NXPH1: variants seen among roughly 807,000 people sequenced by gnomAD.
The protein encoded by NXPH1 is neurexophilin-1.
In NXPH1, 5 loss-of-function variants were observed where a neutral mutation model predicts 23.7. The observed-to-expected ratio is 0.21, with a 90% CI of 0.11 to 0.44. The LOEUF is 0.44. Ranked by LOEUF, NXPH1 falls within the 20% of genes least tolerant of loss-of-function variation. NXPH1 has a pLI of 0.99. For synonymous variants in NXPH1, 144 were observed against 122.2 expected (o/e 1.18, Z -1.18); for missense variants, 324 against 321.6 (o/e 1.01, Z -0.06).
chr7:8,671,341 G>C (rs536863494), intron 2 of NXPH1, among the ~76,000 whole-genome samples: 7 of 152,120 alleles, frequency 4.6e-5, no homozygotes, highest in Non-Finnish European at 7.4e-5. Flanking sequence ...GGACAGATAG[G>C]TTCCTGAGCA....
At chr7:8,682,927 GA>G (rs1453398194) in intron 2 of NXPH1, among the ~76,000 whole-genome samples, 1 of 152,222 alleles carries the variant, frequency 6.6e-6, no homozygotes, top group Non-Finnish European at 1.5e-5. Flanking sequence ...AAGAGCCCTT[GA>G]TTTCAATTCA....
In NXPH1 at chr7:8,457,579, A is replaced by C. The variant is rs892235951; in HGVS notation, c.54+21812A>C. Among the ~76,000 whole-genome samples, 43 of 151,040 alleles carry C rather than the reference A, an allele frequency of 2.8e-4. 1 individual carries two copies. Among genetic ancestry groups the C allele is most frequent in the African/African-American group, 8.8e-4 (36 of 40,704 alleles). On this transcript the variant is annotated intron_variant, in intron 2 of 2. Coordinates refer to ENST00000405863, the MANE Select transcript of NXPH1 (RefSeq NM_152745.3). ...TTAATTTTATTAAAAAAAAACTTGA[A>C]AGGAGCCTCAGAAGGCAGGTAAGAC... is the stretch of plus-strand genomic sequence containing the variant.
intron 2 of NXPH1, among the ~76,000 whole-genome samples, chr7:8,563,461 T>C (rs186793849): frequency 6.6e-5 from 10 of 151,834 alleles, no homozygotes; most frequent in African/African-American, 2.4e-4. Context: ...ATTACAGAAA[T>C]ATAAACTTAT....
chr7:8,523,548 G>C (rs1039482276), intron 2 of NXPH1, among the ~76,000 whole-genome samples: 10 of 152,214 alleles, frequency 6.6e-5, no homozygotes, highest in Non-Finnish European at 1.5e-4. Context: ...TGTTCTTAGA[G>C]GGAAAAGAAT....
intron 2 of NXPH1, among the ~76,000 whole-genome samples, chr7:8,721,511 C>T (rs527476914): frequency 2.6e-5 from 4 of 152,326 alleles, no homozygotes; most frequent in African/African-American, 9.6e-5. Flanking sequence ...TCTTGTGGCT[C>T]ACGCCTGTAA....
intron 2 of NXPH1, among the ~76,000 whole-genome samples, chr7:8,668,260 T>G (rs1431464850): frequency 1.2e-5 from 1 of 82,934 alleles, no homozygotes; most frequent in African/African-American, 3.4e-5. Flanking sequence ...CTCTTTGTTT[T>G]TTTTTTTTTA....
intron 2 of NXPH1, among the ~76,000 whole-genome samples, chr7:8,579,363 G>GTT (rs752413628): frequency 3.5e-5 from 4 of 113,848 alleles, no homozygotes; most frequent in Admixed American, 8.2e-5. Context: ...AGTTTTTTTT[G>GTT]TTTTTTTTTT....
intron 2 of NXPH1, among the ~76,000 whole-genome samples, chr7:8,579,809 T>C (rs764810216): frequency 1.1e-4 from 17 of 152,208 alleles, no homozygotes; most frequent in Non-Finnish European, 7.3e-5. Context: ...ACAGGGGCTA[T>C]CAGAGACCTT....
At chr7:8,737,857 G>C (rs892760110) in intron 2 of NXPH1, among the ~76,000 whole-genome samples, 2 of 151,812 alleles carry the variant, frequency 1.3e-5, no homozygotes, top group African/African-American at 2.4e-5. Flanking sequence ...CTCTAATCTT[G>C]TCTTCACACT....
chr7:8,516,822 T>A (rs1408728109), intron 2 of NXPH1, among the ~76,000 whole-genome samples: 1 of 152,098 alleles, frequency 6.6e-6, no homozygotes, highest in Non-Finnish European at 1.5e-5. Flanking sequence ...AACAACAAAA[T>A]CATGAACGAC....
chr7:8,746,442 G>T (rs1780471608), intron 2 of NXPH1, among the ~76,000 whole-genome samples: 1 of 152,126 alleles, frequency 6.6e-6, no homozygotes, highest in Non-Finnish European at 1.5e-5. Flanking sequence ...ATCACTGAAG[G>T]CAAATAATTC....
chr7:8,643,742 A>G (rs1315328480), intron 2 of NXPH1, among the ~76,000 whole-genome samples: 4 of 152,130 alleles, frequency 2.6e-5, no homozygotes, highest in Non-Finnish European at 4.4e-5. Context: ...TTACTTTATT[A>G]CTTTTGCATA....
chr7:8,588,556 G>A (rs1819025970), intron 2 of NXPH1, among the ~76,000 whole-genome samples: 1 of 152,124 alleles, frequency 6.6e-6, no homozygotes, highest in African/African-American at 2.4e-5. Context: ...GGTTGTTCAA[G>A]GCTCCCAGGC....
At chr7:8,617,475 T>C (rs911014222) in intron 2 of NXPH1, among the ~76,000 whole-genome samples, 1 of 151,914 alleles carries the variant, frequency 6.6e-6, no homozygotes, top group Non-Finnish European at 1.5e-5. Flanking sequence ...TATTCAGCCA[T>C]AAAAAAGAAG....
intron 2 of NXPH1, among the ~76,000 whole-genome samples, chr7:8,721,638 C>A (rs371802839): frequency 6.6e-6 from 1 of 152,150 alleles, no homozygotes; most frequent in African/African-American, 2.4e-5. Flanking sequence ...ATTAGCTGGG[C>A]GTGGTGGCGG....
intron 2 of NXPH1, among the ~76,000 whole-genome samples, chr7:8,460,150 C>A (rs1256974297): frequency 6.6e-6 from 1 of 151,818 alleles, no homozygotes; most frequent in East Asian, 1.9e-4. Flanking sequence ...ATCATTTTTC[C>A]CTAGGCTAGA....
intron 2 of NXPH1, among the ~76,000 whole-genome samples, chr7:8,679,295 G>T (rs1014939234): frequency 6.6e-6 from 1 of 152,000 alleles, no homozygotes; most frequent in Non-Finnish European, 1.5e-5. Flanking sequence ...AAATAGTTCT[G>T]TAAAGAACAC....
intron 2 of NXPH1, among the ~76,000 whole-genome samples, chr7:8,673,826 A>C (rs899512273): frequency 6.6e-6 from 1 of 152,178 alleles, no homozygotes; most frequent in Non-Finnish European, 1.5e-5. Flanking sequence ...TTGAAAAAAA[A>C]CACATCTTCC....
chr7:8,636,405 G>T (rs1820219430), intron 2 of NXPH1, among the ~76,000 whole-genome samples: 1 of 152,180 alleles, frequency 6.6e-6, no homozygotes, highest in Non-Finnish European at 1.5e-5. Context: ...TTCCAGTAAT[G>T]CCTCTTGTAT....
Sources: gnomAD v4.1 joint callset for allele counts (sites outside exome capture counted in the v4.1 genomes callset) on GRCh38, gnomAD v4.1.1 for gene constraint, MANE v1.5 for transcripts, NCBI Gene and HGNC (gene_info 2026-07-23, HGNC 2026-07-21) for gene names.